GAS5: variants seen among roughly 807,000 people sequenced by gnomAD.
GAS5 encodes the protein growth arrest specific 5, also known as growth arrest specific 5 (non-protein coding).
chr1:173,864,914 C>T (rs555229194), intron 6 of GAS5: 1 of 517,972 alleles, frequency 1.9e-6, no homozygotes, highest in African/African-American at 1.9e-5. Flanking sequence ...ATCGGCTTTA[C>T]AACACTTAAA....
chr1:173,865,045 C>G, intron 6 of GAS5: 1 of 370,920 alleles, frequency 2.7e-6, no homozygotes, highest in Non-Finnish European at 5.3e-6. Context: ...CATAGCTGTA[C>G]AAAATTAGCC....
chr1:173,868,393 T>G (rs1268026756), upstream of GAS5: 1 of 153,092 alleles, frequency 6.5e-6, no homozygotes, highest in African/African-American at 2.4e-5. Context: ...CCGGCCCATT[T>G]CCACCCCCGG....
At chr1:173,868,601 C>A (rs1655201545), upstream of GAS5, among the ~76,000 whole-genome samples, 1 of 152,194 alleles carries the variant, frequency 6.6e-6, no homozygotes, top group African/African-American at 2.4e-5. Flanking sequence ...CCCGCCCCCT[C>A]GCGGGGCCCC....
intron 6 of GAS5, chr1:173,865,017 C>G (rs1174287795): frequency 1.1e-5 from 5 of 439,288 alleles, no homozygotes; most frequent in South Asian, 8.1e-5. Context: ...GTCAAGAGTT[C>G]GAGACCAGCC....
exon 7 of GAS5, chr1:173,864,257 C>T (rs1654211072): frequency 1.9e-6 from 1 of 513,722 alleles, no homozygotes; most frequent in African/African-American, 1.9e-5. Flanking sequence ...CAATCCTCAC[C>T]TTTCAAGCAG....
chr1:173,865,988 G>A (rs993734145), intron 4 of GAS5: 1 of 519,158 alleles, frequency 1.9e-6, no homozygotes, highest in Non-Finnish European at 3.8e-6. Context: ...AGCTAATTAA[G>A]ACCTTCATGT....
intron 4 of GAS5, chr1:173,866,027 G>A (rs779543269): frequency 1.9e-6 from 1 of 519,122 alleles, no homozygotes; most frequent in East Asian, 5.4e-5. Flanking sequence ...TCATCATCCA[G>A]GCTGCATTTA....
exon 6 of GAS5, chr1:173,865,507 T>C (rs1441299901): frequency 2.0e-6 from 1 of 509,772 alleles, no homozygotes; most frequent in Non-Finnish European, 3.9e-6. Context: ...TTCATGTCCT[T>C]ACCCAAGCAA....
At chr1:173,866,509 C>G in intron 3 of GAS5, 1 of 683,272 alleles carries the variant, frequency 1.5e-6, no homozygotes, top group Non-Finnish European at 2.7e-6. Context: ...GTGAGAAGTA[C>G]AAAATAGAGG....
At chr1:173,864,061 G>T in intron 7 of GAS5, 1 of 440,410 alleles carries the variant, frequency 2.3e-6, no homozygotes, top group East Asian at 6.4e-5. Context: ...ACTCTAGCTT[G>T]GGTGAGGCAA....
At chr1:173,868,370 G>GTTCCGGCCCA (rs1655148640), upstream of GAS5, 1 of 153,870 alleles carries the variant, frequency 6.5e-6, no homozygotes, top group Middle Eastern at 3.3e-3. Flanking sequence ...CCGGGACGGT[G>GTTCCGGCCCA]TTCCGGCCCA....
upstream of GAS5, chr1:173,867,983 C>A (rs1655087429): frequency 6.1e-6 from 2 of 328,256 alleles, no homozygotes; most frequent in South Asian, 2.4e-5. Flanking sequence ...ACTCCTACCT[C>A]GAAAAGACAG....
chr1:173,867,187 CTTAATG>C (rs1296671510), upstream of GAS5: 7 of 565,646 alleles, frequency 1.2e-5, no homozygotes, highest in African/African-American at 1.3e-4. Flanking sequence ...AAAGGATACA[CTTAATG>C]TTACAAAGAA....
At chr1:173,867,967 G>A (rs531039175), upstream of GAS5, 27 of 339,274 alleles carry the variant, frequency 8.0e-5, no homozygotes, top group East Asian at 1.5e-4. Flanking sequence ...TACCTCACAG[G>A]AGTCGACTCC....
At chr1:173,867,884 G>C (rs889139186), upstream of GAS5, 1 of 419,432 alleles carries the variant, frequency 2.4e-6, no homozygotes, top group Non-Finnish European at 4.8e-6. Context: ...AGAAGTCCCA[G>C]TCAATTCAGG....
chr1:173,865,120 A>T (rs1173349635), intron 6 of GAS5: 7 of 342,312 alleles, frequency 2.0e-5, no homozygotes, highest in Admixed American at 8.4e-5. Flanking sequence ...AATTCCTTGA[A>T]CCTGGGAGGC....
At chr1:173,868,079 C>G (rs1292038641), upstream of GAS5, 3 of 172,426 alleles carry the variant, frequency 1.7e-5, no homozygotes, top group African/African-American at 4.7e-5. Context: ...GGCTCCTCCC[C>G]CTAACCTCCC....
At chr1:173,864,172 C>A in intron 7 of GAS5, 1 of 518,136 alleles carries the variant, frequency 1.9e-6, no homozygotes, top group Non-Finnish European at 3.9e-6. Flanking sequence ...TTATTGTCAT[C>A]AAGTAATCAG....
chr1:173,867,378 T>C (rs9660881), upstream of GAS5: 77,098 of 359,838 alleles, frequency 0.21, 8,845 homozygotes, highest in Middle Eastern at 0.34. Context: ...AAGCCTAGCA[T>C]GGTGGCGCGC....
Sources: allele counts gnomAD v4.1 joint callset (sites outside exome capture counted in the v4.1 genomes callset), GRCh38; gene constraint gnomAD v4.1.1; transcripts MANE v1.5; gene names NCBI Gene and HGNC (gene_info 2026-07-23, HGNC 2026-07-21).